The following STRA6 variants were observed in gnomAD, a reference collection of about 807,000 sequenced individuals.
STRA6 encodes the protein receptor for retinol uptake STRA6.
Under a neutral mutation model 83.6 loss-of-function variants are expected in STRA6, and 48 were observed. That is an observed-to-expected ratio of 0.57 (90% CI 0.46 to 0.73). STRA6 has a LOEUF of 0.73. STRA6 is among the 30% of genes least tolerant of loss of function. STRA6 has a pLI of 0.00. For missense variants in STRA6, 760 were observed against 838.8 expected (o/e 0.91, Z 1.16); for synonymous variants, 353 against 362.3 (o/e 0.97, Z 0.29).
At position 74,189,180 on chromosome 15, in the gene STRA6, A is replaced by T. The variant is rs1346850603; in HGVS notation, c.1025T>A (p.Ile342Asn). Reference protein sequence around the residue: ...DVSYLLAGFGIVLSEDKQEVV... With the variant: ...DVSYLLAGFGNVLSEDKQEVV... ...CTCCTGCTTGTCCTCGGAGAGCACG[A>T]TTCCAAAGCCGGCCAGCAGGTAGGA... The change falls in exon 12 of 19, where the codon ATC (isoleucine) becomes AAC (asparagine). Residue 342 changes from isoleucine (I) to asparagine (N), a missense_variant. Coordinates refer to ENST00000395105, the MANE Select transcript of STRA6 (RefSeq NM_022369.4). 1.2e-6 allele frequency: 2 copies of T among 1,614,078 alleles called. No homozygotes were observed. The highest frequency in any genetic ancestry group is 1.7e-6 in the Non-Finnish European group (2 of 1,180,018).
intron 4 of STRA6, chr15:74,196,357 C>T: frequency 2.6e-6 from 2 of 759,158 alleles, no homozygotes; most frequent in East Asian, 5.7e-5. Context: ...GGACTTGGGA[C>T]ACACATACAG....
intron 7 of STRA6, chr15:74,194,613 A>T (rs1349013727): frequency 6.9e-6 from 4 of 577,016 alleles, no homozygotes; most frequent in South Asian, 8.5e-5. Context: ...TTTGCGTGTC[A>T]TGTCTGCCCT....
intron 4 of STRA6, 39 bp downstream of exon 4, chr15:74,197,299 G>C: frequency 6.8e-7 from 1 of 1,464,452 alleles, no homozygotes; most frequent in Non-Finnish European, 9.4e-7. Flanking sequence ...CCTGTCAGCT[G>C]GGTCCCCTGA....
In STRA6 at chr15:74,180,108, A is replaced by C; in HGVS notation, c.1976T>G (p.Leu659Arg). Reference protein sequence around the residue: ...PTLQVFRKTALLGANGAQP With the variant: ...PTLQVFRKTARLGANGAQP ...GGGCTGGGCACCATTGGCACCCAACAGGGCCGTCTTGCGGAAGACCTGCAG... is the reference window on the plus strand; with the variant it reads ...GGGCTGGGCACCATTGGCACCCAACCGGGCCGTCTTGCGGAAGACCTGCAG... The change falls in exon 19 of 19, where the codon CTG becomes CGG. Residue 659 changes from leucine (L) to arginine (R), a missense_variant. Coordinates refer to ENST00000395105, the MANE Select transcript of STRA6 (RefSeq NM_022369.4). 6.2e-7 allele frequency: 1 copy of C among 1,613,596 alleles called. No homozygotes were observed. The highest frequency in any genetic ancestry group is 8.5e-7 in the Non-Finnish European group (1 of 1,179,644).
In STRA6 at chr15:74,179,989, T is replaced by C; in HGVS notation, c.*91A>G. On this transcript the variant is annotated 3_prime_UTR_variant, in exon 19 of 19. Transcript: ENST00000395105. Reference sequence around the variant, plus strand: ...GGACCTGCTGGCTGCATGGCTGGTGTGATGCTGGGAGGAGAGCCGGGGAGG... The same window carrying C: ...GGACCTGCTGGCTGCATGGCTGGTGCGATGCTGGGAGGAGAGCCGGGGAGG... 1 of 1,531,460 alleles carries C rather than the reference T, an allele frequency of 6.5e-7. No individual in the cohort carries two copies. 94.9% of individuals were successfully genotyped at this position (1,531,460 alleles called of 1,614,324 possible).
intron 11 of STRA6, among the ~76,000 whole-genome samples, chr15:74,190,398 T>C (rs1488213601): frequency 2.0e-5 from 3 of 151,584 alleles, no homozygotes; most frequent in Non-Finnish European, 4.4e-5. Context: ...TCCCAGGATT[T>C]TAATTGTTGT....
exon 1 of STRA6, chr15:74,209,025 T>G (rs867401309): frequency 5.4e-6 from 6 of 1,114,154 alleles, no homozygotes; most frequent in African/African-American, 1.7e-5. Context: ...AAAAGGTGTT[T>G]GATCTGCTCC....
chr15:74,183,838 C>T lies in STRA6; in HGVS notation c.1300+18G>A, dbSNP rs776408592. 26 of 1,613,552 alleles carry T rather than the reference C, an allele frequency of 1.6e-5. No homozygotes were observed. Among genetic ancestry groups the T allele is most frequent in the Middle Eastern group, 3.3e-4 (2 of 6,060 alleles). On this transcript the variant is annotated intron_variant, in intron 14 of 18. Transcript: ENST00000395105. ...AGGCCCAGGCCAAGGCTGGGTGTGG[C>T]GGGCAAGGGAGGCTCACCAAGGCAG...
At chr15:74,202,048 C>T (rs1471735706) in intron 2 of STRA6, 107 bp downstream of exon 2, 1 of 1,303,842 alleles carries the variant, frequency 7.7e-7, no homozygotes, top group African/African-American at 1.5e-5. Context: ...GTGGCAGAGC[C>T]AGACCTAGCA....
rs187958515 is a variant in STRA6 at position 74,184,882 on chromosome 15, C to T, written c.1166+98G>A. On this transcript the variant is annotated intron_variant, in intron 13 of 18. Coordinates refer to ENST00000395105, the MANE Select transcript of STRA6 (RefSeq NM_022369.4). ...TCCATGACAGCCCGGGCCGGCAGAG[C>T]CCTTCCCTCCCTCCAGGCCCAGGGC... 7,256 of 1,248,688 alleles carry T rather than the reference C, an allele frequency of 5.8e-3. 39 individuals are homozygous for T. Among genetic ancestry groups the T allele is most frequent in the Non-Finnish European group, 7.5e-3 (6,495 of 869,130 alleles). The allele number at this position is 1,248,688 out of a possible 1,614,324, so 77.4% of individuals were successfully genotyped here. A position where few individuals can be genotyped will look rare whatever the true frequency, so the allele number is the denominator to read the frequency against.
At chr15:74,200,506 C>T (rs564131200) in intron 2 of STRA6, among the ~76,000 whole-genome samples, 2 of 152,278 alleles carry the variant, frequency 1.3e-5, no homozygotes, top group South Asian at 2.1e-4. Context: ...GTTCATCCAC[C>T]CCAACTCCAG....
At chr15:74,203,331 C>T (rs1285723546), upstream of STRA6, 1 of 412,620 alleles carries the variant, frequency 2.4e-6, no homozygotes, top group African/African-American at 2.2e-5. Context: ...GCCTCCTGCT[C>T]CTCCTGGAGT....
chr15:74,206,805 A>C (rs982577213), upstream of STRA6, among the ~76,000 whole-genome samples: 3 of 152,224 alleles, frequency 2.0e-5, no homozygotes, highest in African/African-American at 7.2e-5. Flanking sequence ...AGGAGAGAGT[A>C]GCATAAGGGT....
chr15:74,196,956 G>T (rs953105890), intron 4 of STRA6, among the ~76,000 whole-genome samples: 4 of 152,204 alleles, frequency 2.6e-5, no homozygotes, highest in African/African-American at 9.6e-5. Context: ...CCATAAATCT[G>T]CCTTCAAGCA....
intron 16 of STRA6, 67 bp downstream of exon 16, chr15:74,182,094 A>G (rs1047897504): frequency 9.3e-6 from 13 of 1,398,322 alleles, no homozygotes; most frequent in Non-Finnish European, 1.3e-5. Context: ...GGGAGGACAC[A>G]AAAAGAGAGA....
At chr15:74,200,013 T>C (rs2073985786) in intron 2 of STRA6, among the ~76,000 whole-genome samples, 1 of 152,078 alleles carries the variant, frequency 6.6e-6, no homozygotes, top group Non-Finnish European at 1.5e-5. Flanking sequence ...GGTCAAGAGT[T>C]TGAGACCAGC....
At chr15:74,180,501 CT>C (rs1241636425) in intron 18 of STRA6, among the ~76,000 whole-genome samples, 1 of 152,194 alleles carries the variant, frequency 6.6e-6, no homozygotes, top group African/African-American at 2.4e-5. Context: ...AGGAGTCATA[CT>C]CCCTGCCCCA....
At chr15:74,202,816 G>C, upstream of STRA6, 1 of 1,096,882 alleles carries the variant, frequency 9.1e-7, no homozygotes, top group Non-Finnish European at 1.1e-6. Context: ...GGGCTCCCTT[G>C]AGCCCCTCCC....
intron 2 of STRA6, among the ~76,000 whole-genome samples, chr15:74,201,447 G>A (rs191590): frequency 6.6e-6 from 1 of 152,152 alleles, no homozygotes; most frequent in Admixed American, 6.5e-5. Context: ...GGGGGACACA[G>A]AAGGGGCCCA....
Sources: allele counts gnomAD v4.1 joint callset (sites outside exome capture counted in the v4.1 genomes callset), GRCh38; gene constraint gnomAD v4.1.1; transcripts MANE v1.5; gene names NCBI Gene and HGNC (gene_info 2026-07-23, HGNC 2026-07-21).